MAML3: variants seen among roughly 807,000 people sequenced by gnomAD.
MAML3 encodes mastermind-like protein 3.
A neutral mutation model predicts 101.9 loss-of-function variants in MAML3; 27 were observed. That is an observed-to-expected ratio of 0.27 (90% CI 0.20 to 0.37). The LOEUF (loss-of-function observed/expected upper bound fraction) is 0.37, where lower values mean the gene tolerates loss of function less well. Ranked by LOEUF, MAML3 falls within the 10% of genes least tolerant of loss-of-function variation. The pLI is 1.00. For synonymous variants in MAML3, 501 were observed against 555.9 expected (o/e 0.90, Z 1.39); for missense variants, 1,316 against 1,444.9 (o/e 0.91, Z 1.45).
At position 140,153,442 on chromosome 4, in the gene MAML3, C is replaced by T; in HGVS notation, c.-115G>A. ...AAGTGGAACGCGGGGGAGACGCAAG[C>T]ACATGGATGGAAACGGCGATCCCGA... is the stretch of plus-strand genomic sequence containing the variant. On this transcript the variant is annotated 5_prime_UTR_variant, in exon 1 of 5. Transcript: ENST00000509479. The T allele has an allele frequency of 8.2e-7, 1 of 1,220,082 alleles. No homozygotes were observed. Among genetic ancestry groups the T allele is most frequent in the Admixed American group, 3.9e-5 (1 of 25,910 alleles). 75.6% of individuals were successfully genotyped at this position (1,220,082 alleles called of 1,614,324 possible).
intron 2 of MAML3, among the ~76,000 whole-genome samples, chr4:139,825,526 G>T (rs1439461010): frequency 6.6e-6 from 1 of 152,184 alleles, no homozygotes; most frequent in Non-Finnish European, 1.5e-5. Flanking sequence ...GTGGCCATGT[G>T]TGTTTTTGCA....
At chr4:140,120,993 A>G (rs1728598518) in intron 1 of MAML3, among the ~76,000 whole-genome samples, 1 of 152,232 alleles carries the variant, frequency 6.6e-6, no homozygotes, top group Non-Finnish European at 1.5e-5. Context: ...CTTAACTTTA[A>G]GCTTCTAATA....
chr4:140,006,971 G>A (rs972126247), intron 1 of MAML3, among the ~76,000 whole-genome samples: 6 of 152,110 alleles, frequency 3.9e-5, no homozygotes, highest in African/African-American at 1.2e-4. Context: ...AGAACAAAAA[G>A]CTTCATAAGC....
chr4:139,902,257 A>G (rs1578588702), intron 1 of MAML3, among the ~76,000 whole-genome samples: 1 of 51,736 alleles, frequency 1.9e-5, no homozygotes, highest in African/African-American at 4.0e-5. Flanking sequence ...GCACACGCAC[A>G]CACACGCACA....
At chr4:139,725,590 A>C (rs1473381701) in intron 4 of MAML3, among the ~76,000 whole-genome samples, 161 bp downstream of exon 4, 1 of 152,208 alleles carries the variant, frequency 6.6e-6, no homozygotes, top group Non-Finnish European at 1.5e-5. Flanking sequence ...GGCCTCTAGG[A>C]ATCCATTCTG....
chr4:139,826,051 G>A (rs1214818054), intron 2 of MAML3, among the ~76,000 whole-genome samples: 1 of 152,112 alleles, frequency 6.6e-6, no homozygotes, highest in African/African-American at 2.4e-5. Context: ...TATCTGTCGT[G>A]GATCTTCTGG....
chr4:140,090,071 G>T (rs1385916054), intron 1 of MAML3, among the ~76,000 whole-genome samples: 1 of 152,160 alleles, frequency 6.6e-6, no homozygotes, highest in East Asian at 1.9e-4. Flanking sequence ...TGACATAATA[G>T]CTGGACAATA....
intron 1 of MAML3, among the ~76,000 whole-genome samples, chr4:140,036,769 G>C (rs1037537846): frequency 1.3e-5 from 2 of 152,156 alleles, no homozygotes; most frequent in Non-Finnish European, 1.5e-5. Flanking sequence ...AAATTGTTAA[G>C]TTATAAAAAT....
chr4:140,141,436 C>G (rs1176447250), intron 1 of MAML3, among the ~76,000 whole-genome samples: 1 of 152,170 alleles, frequency 6.6e-6, no homozygotes, highest in Non-Finnish European at 1.5e-5. Flanking sequence ...AACTCACAGA[C>G]CTGAGATTTT....
intron 1 of MAML3, among the ~76,000 whole-genome samples, chr4:140,152,554 AG>A (rs1179037138): frequency 6.6e-6 from 1 of 151,774 alleles, no homozygotes; most frequent in African/African-American, 2.4e-5. Context: ...AAGAAAGGGA[AG>A]GGGGGAAACT....
intron 1 of MAML3, among the ~76,000 whole-genome samples, chr4:139,955,755 G>A (rs1254690764): frequency 6.6e-6 from 1 of 152,152 alleles, no homozygotes; most frequent in Non-Finnish European, 1.5e-5. Context: ...AGGCTCTCAG[G>A]TAGTTAACTG....
chr4:140,043,711 C>A (rs975576963), intron 1 of MAML3, among the ~76,000 whole-genome samples: 1 of 152,162 alleles, frequency 6.6e-6, no homozygotes, highest in South Asian at 2.1e-4. Context: ...TCGTGCCCAC[C>A]TAGATTCAGC....
intron 1 of MAML3, among the ~76,000 whole-genome samples, chr4:140,033,044 G>T (rs1433277008): frequency 2.0e-5 from 3 of 152,164 alleles, no homozygotes. Context: ...AACCATGAAC[G>T]GGTGTTCAGA....
intron 2 of MAML3, among the ~76,000 whole-genome samples, chr4:139,814,322 C>A (rs780371472): frequency 2.6e-5 from 4 of 152,212 alleles, no homozygotes; most frequent in Non-Finnish European, 4.4e-5. Context: ...TGCTTCCTAT[C>A]ATATAAGGCT....
intron 1 of MAML3, among the ~76,000 whole-genome samples, chr4:140,091,037 G>A (rs867814284): frequency 3.3e-5 from 5 of 150,882 alleles, no homozygotes; most frequent in Middle Eastern, 3.2e-3. Flanking sequence ...GCAACAGAGC[G>A]AGATTCTGTC....
At chr4:139,795,426 A>G (rs1347300146) in intron 2 of MAML3, among the ~76,000 whole-genome samples, 2 of 152,200 alleles carry the variant, frequency 1.3e-5, no homozygotes, top group Non-Finnish European at 2.9e-5. Flanking sequence ...TTCTGAATGC[A>G]TTTTAGTTGA....
chr4:140,051,328 G>GT (rs1473807619), intron 1 of MAML3, among the ~76,000 whole-genome samples: 2 of 152,188 alleles, frequency 1.3e-5, no homozygotes, highest in African/African-American at 2.4e-5. Flanking sequence ...GCTGAGGCAG[G>GT]TGGATCACCT....
chr4:140,107,972 G>A (rs1005874082), intron 1 of MAML3, among the ~76,000 whole-genome samples: 1 of 151,704 alleles, frequency 6.6e-6, no homozygotes, highest in Admixed American at 6.6e-5. Context: ...GAACTACCAT[G>A]CAAATTAACA....
At chr4:140,109,487 G>A (rs1335654328) in intron 1 of MAML3, among the ~76,000 whole-genome samples, 1 of 152,176 alleles carries the variant, frequency 6.6e-6, no homozygotes, top group Non-Finnish European at 1.5e-5. Context: ...TGAAGCTACT[G>A]CATTAACACA....
Sources: gnomAD v4.1 joint callset for allele counts (sites outside exome capture counted in the v4.1 genomes callset) on GRCh38, gnomAD v4.1.1 for gene constraint, MANE v1.5 for transcripts, NCBI Gene and HGNC (gene_info 2026-07-23, HGNC 2026-07-21) for gene names.